REDIC1: variants seen among roughly 807,000 people sequenced by gnomAD.
REDIC1 encodes the protein regulator of DNA class I crossover intermediates 1.
the REDIC1 span, among the ~76,000 whole-genome samples, chr12:39,725,507 C>T: frequency 6.6e-6 from 1 of 152,060 alleles, no homozygotes; most frequent in African/African-American, 2.4e-5. Flanking sequence ...CTTGAAATGG[C>T]TTTAGCAACA....
chr12:39,866,683 G>T, the REDIC1 span, among the ~76,000 whole-genome samples: 69 of 152,136 alleles, frequency 4.5e-4, no homozygotes, highest in Admixed American at 2.0e-3. Flanking sequence ...GTTTCACCGT[G>T]TTAGCCAGGA....
At chr12:39,712,556 T>G in the REDIC1 span, among the ~76,000 whole-genome samples, 1 of 143,244 alleles carries the variant, frequency 7.0e-6, no homozygotes, top group Non-Finnish European at 1.5e-5. Flanking sequence ...ACACGACATA[T>G]GTGTATATAC....
At chr12:39,723,104 C>T in the REDIC1 span, among the ~76,000 whole-genome samples, 1 of 152,042 alleles carries the variant, frequency 6.6e-6, no homozygotes, top group Admixed American at 6.6e-5. Flanking sequence ...TCAGTCATTG[C>T]CAGAAAAGTA....
At chr12:39,894,562 C>T in the REDIC1 span, among the ~76,000 whole-genome samples, 77 of 152,190 alleles carry the variant, frequency 5.1e-4, no homozygotes, top group African/African-American at 1.7e-3. Flanking sequence ...AGTGGTTAAA[C>T]CCAGACTAAA....
the REDIC1 span, among the ~76,000 whole-genome samples, chr12:39,712,340 G>T: frequency 0.082 from 5,496 of 66,950 alleles, 259 homozygotes; most frequent in Non-Finnish European, 0.13. Flanking sequence ...TTATATACCT[G>T]TATTTATATA....
the REDIC1 span, among the ~76,000 whole-genome samples, chr12:39,877,286 A>G: frequency 2.0e-3 from 303 of 152,256 alleles, 2 homozygotes; most frequent in African/African-American, 6.8e-3. Flanking sequence ...AGGAGAGCAA[A>G]GGTATGTCTT....
At chr12:39,696,646 T>G in the REDIC1 span, among the ~76,000 whole-genome samples, 1 of 123,542 alleles carries the variant, frequency 8.1e-6, no homozygotes, top group Admixed American at 9.4e-5. Context: ...GTATTCAAAA[T>G]AGCTGTTTTG....
At chr12:39,882,787 A>G in the REDIC1 span, among the ~76,000 whole-genome samples, 1 of 152,204 alleles carries the variant, frequency 6.6e-6, no homozygotes, top group Admixed American at 6.5e-5. Context: ...TGCTGCTAGA[A>G]TTATTACTCT....
the REDIC1 span, among the ~76,000 whole-genome samples, chr12:39,695,699 A>T: frequency 6.6e-6 from 1 of 152,164 alleles, no homozygotes; most frequent in African/African-American, 2.4e-5. Flanking sequence ...AGGGAAGGAC[A>T]CAGGCCTGGC....
At chr12:39,648,120 C>G in the REDIC1 span, 1 of 554,006 alleles carries the variant, frequency 1.8e-6, no homozygotes, top group Non-Finnish European at 2.8e-6. Context: ...GGTTCATTCC[C>G]TTTACATCAA....
chr12:39,784,556 C>T, the REDIC1 span, among the ~76,000 whole-genome samples: 7 of 152,168 alleles, frequency 4.6e-5, no homozygotes, highest in Admixed American at 3.3e-4. Flanking sequence ...CTTCCTTACA[C>T]CTTATACAAA....
At chr12:39,676,692 A>G in the REDIC1 span, among the ~76,000 whole-genome samples, 1 of 152,212 alleles carries the variant, frequency 6.6e-6, no homozygotes, top group Non-Finnish European at 1.5e-5. Flanking sequence ...AAGAATTTTA[A>G]GAACTGTGAG....
chr12:39,880,535 T>C, the REDIC1 span, among the ~76,000 whole-genome samples: 1 of 152,124 alleles, frequency 6.6e-6, no homozygotes, highest in Admixed American at 6.6e-5. Context: ...CATACTACCA[T>C]TAAATCAAGC....
the REDIC1 span, among the ~76,000 whole-genome samples, chr12:39,851,684 A>G: frequency 6.6e-6 from 1 of 152,232 alleles, no homozygotes; most frequent in African/African-American, 2.4e-5. Context: ...ATACATCAAG[A>G]GAAAAGCAGC....
At chr12:39,789,845 T>C in the REDIC1 span, among the ~76,000 whole-genome samples, 1 of 152,198 alleles carries the variant, frequency 6.6e-6, no homozygotes, top group African/African-American at 2.4e-5. Context: ...TCTGCTTTTA[T>C]AGAGTGTCTA....
the REDIC1 span, among the ~76,000 whole-genome samples, chr12:39,731,695 T>TCG: frequency 5.3e-5 from 8 of 152,198 alleles, no homozygotes; most frequent in Non-Finnish European, 1.2e-4. Flanking sequence ...GGGGATTTGT[T>TCG]GCTGTCTTCA....
the REDIC1 span, chr12:39,692,223 A>G: frequency 1.9e-6 from 2 of 1,074,500 alleles, no homozygotes; most frequent in East Asian, 3.1e-5. Context: ...AATATATATC[A>G]TGGATATTTT....
the REDIC1 span, among the ~76,000 whole-genome samples, chr12:39,731,831 C>CT: frequency 0.24 from 33,936 of 144,062 alleles, 5,181 homozygotes; most frequent in African/African-American, 0.42. Context: ...TGCTGCCTTT[C>CT]TTTTTTTTTT....
chr12:39,796,926 G>A, the REDIC1 span, among the ~76,000 whole-genome samples: 6 of 152,170 alleles, frequency 3.9e-5, no homozygotes, highest in Non-Finnish European at 8.8e-5. Flanking sequence ...ATTAAAGAAT[G>A]TGGACATTAA....
Sources: allele counts gnomAD v4.1 joint callset (sites outside exome capture counted in the v4.1 genomes callset), GRCh38; gene constraint gnomAD v4.1.1; transcripts MANE v1.5; gene names NCBI Gene and HGNC (gene_info 2026-07-23, HGNC 2026-07-21).